LRRC4C: variants seen among roughly 807,000 people sequenced by gnomAD.
LRRC4C encodes the protein leucine-rich repeat-containing protein 4C.
Under a neutral mutation model 33.6 loss-of-function variants are expected in LRRC4C, and 5 were observed. That is an observed-to-expected ratio of 0.15 (90% CI 0.08 to 0.31). The LOEUF (loss-of-function observed/expected upper bound fraction) is 0.31. Ranked by LOEUF, LRRC4C falls within the 10% of genes least tolerant of loss-of-function variation. The probability of loss-of-function intolerance (pLI) is 1.00; values close to 1 mark genes in which losing one functional copy is unlikely to be tolerated. For missense variants in LRRC4C, 560 were observed against 796.7 expected (o/e 0.70, Z 3.58); for synonymous variants, 329 against 302.0 (o/e 1.09, Z -0.93).
chr11:40,528,285 G>A (rs1956136867), intron 3 of LRRC4C, among the ~76,000 whole-genome samples: 2 of 152,166 alleles, frequency 1.3e-5, no homozygotes, highest in Admixed American at 1.3e-4. Context: ...ATATTGATAA[G>A]CAGTTAACAT....
At chr11:40,257,164 A>G (rs1867272615) in intron 4 of LRRC4C, among the ~76,000 whole-genome samples, 1 of 152,184 alleles carries the variant, frequency 6.6e-6, no homozygotes, top group Non-Finnish European at 1.5e-5. Context: ...GTTTCTGACA[A>G]TATGATGCTA....
At chr11:41,353,083 C>T (rs1229267743) in intron 1 of LRRC4C, among the ~76,000 whole-genome samples, 3 of 151,764 alleles carry the variant, frequency 2.0e-5, no homozygotes, top group African/African-American at 7.3e-5. Context: ...ATCAATAAAA[C>T]CAAAAGTTGG....
At chr11:40,867,499 C>T (rs774446352) in intron 2 of LRRC4C, among the ~76,000 whole-genome samples, 12 of 152,210 alleles carry the variant, frequency 7.9e-5, no homozygotes, top group Non-Finnish European at 1.6e-4. Flanking sequence ...TGTGCATTCA[C>T]ATTCCATTTT....
At chr11:40,536,234 G>T (rs1956465450) in intron 3 of LRRC4C, among the ~76,000 whole-genome samples, 1 of 151,506 alleles carries the variant, frequency 6.6e-6, no homozygotes, top group Non-Finnish European at 1.5e-5. Flanking sequence ...TCACTCTGTT[G>T]CCAGGCTGGA....
At position 40,746,266 on chromosome 11, in the gene LRRC4C, G is replaced by A. The variant is rs1948414806; in HGVS notation, c.-406-97988C>T. On this transcript the variant is annotated intron_variant, in intron 2 of 6. Transcript: ENST00000528697. The stretch of plus-strand genomic sequence containing the variant: ...AGACTGTGCAACGGCACCGCTTCAG[G>A]AAAGGAGCTCACCCTGGTTCCTACA... Among the ~76,000 whole-genome samples, 6 of 152,186 alleles carry A rather than the reference G, an allele frequency of 3.9e-5. 1 individual carries two copies. The South Asian group carries it at 1.2e-3, about 32-fold the overall frequency.
intron 3 of LRRC4C, among the ~76,000 whole-genome samples, chr11:40,644,716 C>T (rs937157127): frequency 9.2e-5 from 14 of 151,932 alleles, no homozygotes; most frequent in African/African-American, 7.3e-5. Context: ...GACAAAGTTA[C>T]GGAAATAGAG....
chr11:41,095,121 G>T (rs1424792517), intron 1 of LRRC4C, among the ~76,000 whole-genome samples: 1 of 152,150 alleles, frequency 6.6e-6, no homozygotes, highest in Non-Finnish European at 1.5e-5. Flanking sequence ...CTGCATAGCT[G>T]GGAAGGCCTT....
intron 5 of LRRC4C, among the ~76,000 whole-genome samples, chr11:40,213,554 A>T (rs1248742691): frequency 6.6e-6 from 1 of 152,184 alleles, no homozygotes; most frequent in East Asian, 1.9e-4. Flanking sequence ...GCCAAAACAA[A>T]GGAACATTAT....
At chr11:40,786,652 TA>T (rs2137328969) in intron 2 of LRRC4C, among the ~76,000 whole-genome samples, 1 of 152,090 alleles carries the variant, frequency 6.6e-6, no homozygotes, top group East Asian at 1.9e-4. Context: ...GAAAGTGGAG[TA>T]AAAATTTCTT....
intron 1 of LRRC4C, among the ~76,000 whole-genome samples, chr11:40,961,195 G>T (rs1452550682): frequency 2.0e-5 from 3 of 151,670 alleles, no homozygotes; most frequent in African/African-American, 7.3e-5. Context: ...AATCCATGAG[G>T]CACTGAAAAT....
At chr11:40,999,689 G>C (rs61887621) in intron 1 of LRRC4C, among the ~76,000 whole-genome samples, 13,495 of 152,082 alleles carry the variant, frequency 0.089, 647 homozygotes, top group Non-Finnish European at 0.1. Context: ...CTAGAAACCT[G>C]CCATATGCTG....
chr11:40,153,985 A>G (rs1021485313), intron 5 of LRRC4C, among the ~76,000 whole-genome samples: 5 of 152,270 alleles, frequency 3.3e-5, no homozygotes, highest in African/African-American at 1.2e-4. Context: ...CTGTCATCAG[A>G]TTACCCAAAG....
At chr11:40,119,189 C>A (rs1013486675) in intron 6 of LRRC4C, among the ~76,000 whole-genome samples, 2 of 152,154 alleles carry the variant, frequency 1.3e-5, no homozygotes, top group African/African-American at 4.8e-5. Flanking sequence ...TAAGGAAAAG[C>A]AGCTGTCATT....
At chr11:40,942,274 C>T (rs1348864123) in intron 1 of LRRC4C, among the ~76,000 whole-genome samples, 3 of 152,040 alleles carry the variant, frequency 2.0e-5, no homozygotes, top group African/African-American at 7.2e-5. Flanking sequence ...AGCAAAAGAC[C>T]CATTGGATCT....
At chr11:40,799,174 G>T (rs949147498) in intron 2 of LRRC4C, among the ~76,000 whole-genome samples, 1 of 151,902 alleles carries the variant, frequency 6.6e-6, no homozygotes, top group Non-Finnish European at 1.5e-5. Flanking sequence ...TACTTCATCA[G>T]CCCCCTACAA....
At chr11:41,003,009 G>T (rs1485387111) in intron 1 of LRRC4C, among the ~76,000 whole-genome samples, 1 of 152,062 alleles carries the variant, frequency 6.6e-6, no homozygotes, top group Non-Finnish European at 1.5e-5. Context: ...AGTTATGTAT[G>T]TGTATAGTTA....
chr11:41,117,778 C>A (rs1159972505), intron 1 of LRRC4C, among the ~76,000 whole-genome samples: 1 of 151,954 alleles, frequency 6.6e-6, no homozygotes, highest in Non-Finnish European at 1.5e-5. Context: ...AGGACCATTT[C>A]AAAAATGAGA....
chr11:41,250,433 G>A (rs1034205360), intron 1 of LRRC4C, among the ~76,000 whole-genome samples: 7 of 152,152 alleles, frequency 4.6e-5, no homozygotes, highest in African/African-American at 1.7e-4. Flanking sequence ...TTCTGACACT[G>A]CCTTGTGTCA....
intron 2 of LRRC4C, among the ~76,000 whole-genome samples, chr11:40,815,239 G>A (rs1054176335): frequency 6.6e-6 from 1 of 152,166 alleles, no homozygotes; most frequent in Non-Finnish European, 1.5e-5. Context: ...GAGAGCATGT[G>A]TAGGGGACCT....
Sources: gnomAD v4.1 joint callset for allele counts (sites outside exome capture counted in the v4.1 genomes callset) on GRCh38, gnomAD v4.1.1 for gene constraint, MANE v1.5 for transcripts, NCBI Gene and HGNC (gene_info 2026-07-23, HGNC 2026-07-21) for gene names.